Variants in LRRTM3 observed in about 807,000 individuals in gnomAD.
LRRTM3 encodes the protein leucine-rich repeat transmembrane neuronal protein 3.
In LRRTM3, 24 loss-of-function variants were observed where a neutral mutation model predicts 44.7. That is an observed-to-expected ratio of 0.54 (90% CI 0.39 to 0.76). The LOEUF (loss-of-function observed/expected upper bound fraction) is 0.76, where lower values mean the gene tolerates loss of function less well. LRRTM3 is among the 30% of genes least tolerant of loss of function. The probability of loss-of-function intolerance (pLI) is 0.00; values close to 1 mark genes in which losing one functional copy is unlikely to be tolerated. For missense variants in LRRTM3, 587 were observed against 702.2 expected (o/e 0.84, Z 1.85); for synonymous variants, 277 against 278.7 (o/e 0.99, Z 0.06).
At chr10:66,931,065 C>G (rs1159681430) in intron 2 of LRRTM3, among the ~76,000 whole-genome samples, 3 of 151,910 alleles carry the variant, frequency 2.0e-5, no homozygotes, top group Non-Finnish European at 4.4e-5. Context: ...ACTTTCTGGA[C>G]TACATATCAT....
chr10:67,035,298 G>A (rs1011656414), intron 2 of LRRTM3, among the ~76,000 whole-genome samples: 24 of 152,114 alleles, frequency 1.6e-4, no homozygotes, highest in African/African-American at 5.6e-4. Flanking sequence ...CTTAAGAATT[G>A]CATATAACAT....
chr10:66,950,309 T>C (rs1848475178), intron 2 of LRRTM3, among the ~76,000 whole-genome samples: 1 of 152,084 alleles, frequency 6.6e-6, no homozygotes, highest in Non-Finnish European at 1.5e-5. Context: ...TTTACTTATA[T>C]CTATAATTAT....
intron 2 of LRRTM3, among the ~76,000 whole-genome samples, chr10:67,020,990 T>C (rs1379839777): frequency 6.6e-6 from 1 of 152,154 alleles, no homozygotes; most frequent in African/African-American, 2.4e-5. Flanking sequence ...CTATGGAAAG[T>C]CTGAGATACC....
intron 2 of LRRTM3, among the ~76,000 whole-genome samples, chr10:66,953,802 C>G (rs992128205): frequency 6.6e-6 from 1 of 151,856 alleles, no homozygotes; most frequent in Non-Finnish European, 1.5e-5. Flanking sequence ...AAAAATTAGC[C>G]CAAGGCTTTG....
intron 2 of LRRTM3, among the ~76,000 whole-genome samples, chr10:66,987,702 T>C (rs1176724973): frequency 6.6e-6 from 1 of 152,164 alleles, no homozygotes; most frequent in African/African-American, 2.4e-5. Context: ...ACTTTAAACA[T>C]AGAATATAAA....
intron 2 of LRRTM3, among the ~76,000 whole-genome samples, chr10:66,989,929 T>G (rs1233820868): frequency 6.6e-6 from 1 of 152,162 alleles, no homozygotes; most frequent in East Asian, 1.9e-4. Flanking sequence ...TCAAGAAATA[T>G]TTGTTGAACT....
At chr10:67,072,578 C>T (rs552780869) in intron 2 of LRRTM3, among the ~76,000 whole-genome samples, 1 of 152,320 alleles carries the variant, frequency 6.6e-6, no homozygotes, top group East Asian at 1.9e-4. Context: ...ACCAAGGACT[C>T]AGCTGGGTTG....
At chr10:67,001,298 TAA>T (rs568002651) in intron 2 of LRRTM3, among the ~76,000 whole-genome samples, 1 of 93,304 alleles carries the variant, frequency 1.1e-5, no homozygotes. Context: ...AGACTCTGTC[TAA>T]AAAAAAAAAA....
At chr10:66,993,694 GAAA>G (rs58941459) in intron 2 of LRRTM3, among the ~76,000 whole-genome samples, 15,958 of 142,168 alleles carry the variant, frequency 0.11, 1,228 homozygotes, top group African/African-American at 0.22. Flanking sequence ...ATACATAAAT[GAAA>G]AAAAAAAAAA....
intron 2 of LRRTM3, among the ~76,000 whole-genome samples, chr10:67,079,160 T>C (rs1362319454): frequency 6.6e-6 from 1 of 152,240 alleles, no homozygotes; most frequent in Non-Finnish European, 1.5e-5. Context: ...GTTTCTCTGA[T>C]GTTCTGCTGG....
intron 2 of LRRTM3, among the ~76,000 whole-genome samples, chr10:67,047,015 T>C (rs987444319): frequency 1.3e-5 from 2 of 152,224 alleles, no homozygotes; most frequent in Non-Finnish European, 2.9e-5. Flanking sequence ...GCAATATGTT[T>C]GGAACATATA....
intron 2 of LRRTM3, among the ~76,000 whole-genome samples, chr10:67,041,020 G>A (rs1026880085): frequency 6.6e-6 from 1 of 151,962 alleles, no homozygotes; most frequent in Non-Finnish European, 1.5e-5. Context: ...TACAGTAGGA[G>A]AAAAAGCAGA....
At chr10:67,032,897 A>G (rs1347454605) in intron 2 of LRRTM3, among the ~76,000 whole-genome samples, 1 of 152,222 alleles carries the variant, frequency 6.6e-6, no homozygotes, top group African/African-American at 2.4e-5. Context: ...TTGGTACTGC[A>G]TAATGACATT....
At chr10:66,937,376 A>G (rs1847765580) in intron 2 of LRRTM3, among the ~76,000 whole-genome samples, 1 of 152,212 alleles carries the variant, frequency 6.6e-6, no homozygotes, top group South Asian at 2.1e-4. Context: ...TAAAGATCCT[A>G]TGAAGATTCA....
At chr10:67,019,312 G>A (rs867084211) in intron 2 of LRRTM3, among the ~76,000 whole-genome samples, 8 of 152,092 alleles carry the variant, frequency 5.3e-5, no homozygotes, top group African/African-American at 1.2e-4. Context: ...TCTGCCTTCC[G>A]GGTCCAAGCG....
At chr10:66,945,237 C>G (rs1848217205) in intron 2 of LRRTM3, among the ~76,000 whole-genome samples, 1 of 152,200 alleles carries the variant, frequency 6.6e-6, no homozygotes, top group East Asian at 1.9e-4. Context: ...GTGTAACCAC[C>G]TTCATCAATT....
chr10:67,062,519 G>GTGTGTGTC (rs1165592084), intron 2 of LRRTM3, among the ~76,000 whole-genome samples: 3 of 152,116 alleles, frequency 2.0e-5, no homozygotes, highest in Non-Finnish European at 2.9e-5. Context: ...TTGAAAGTGT[G>GTGTGTGTC]TGTGTGTCTG....
chr10:67,088,938 T>A (rs1427959023), intron 2 of LRRTM3, among the ~76,000 whole-genome samples: 1 of 151,930 alleles, frequency 6.6e-6, no homozygotes, highest in African/African-American at 2.4e-5. Flanking sequence ...AAAATAACAA[T>A]ACAATTAAAA....
intron 2 of LRRTM3, among the ~76,000 whole-genome samples, chr10:66,973,415 C>G (rs545577951): frequency 3.9e-5 from 6 of 152,178 alleles, no homozygotes; most frequent in African/African-American, 1.4e-4. Flanking sequence ...ACAATCTGAA[C>G]TAAATTGAAC....
Sources: gnomAD v4.1 joint callset for allele counts (sites outside exome capture counted in the v4.1 genomes callset) on GRCh38, gnomAD v4.1.1 for gene constraint, MANE v1.5 for transcripts, NCBI Gene and HGNC (gene_info 2026-07-23, HGNC 2026-07-21) for gene names.